The following GALNTL6 variants were observed in gnomAD, a reference collection of about 807,000 sequenced individuals.
GALNTL6 encodes the protein polypeptide N-acetylgalactosaminyltransferase like 6.
A neutral mutation model predicts 73.7 loss-of-function variants in GALNTL6; 46 were observed. The observed-to-expected ratio is 0.62, with a 90% CI of 0.49 to 0.80. GALNTL6 has a LOEUF of 0.80. Ranked by LOEUF, GALNTL6 falls within the 30% of genes least tolerant of loss-of-function variation. The pLI, the probability that GALNTL6 is intolerant of heterozygous loss-of-function variation, is 0.00. For synonymous variants in GALNTL6, 259 were observed against 263.7 expected, an observed-to-expected ratio of 0.98 and a Z score of 0.17; for missense variants, 604 against 755.0, an observed-to-expected ratio of 0.80 and a Z score of 2.34.
intron 5 of GALNTL6, among the ~76,000 whole-genome samples, chr4:172,557,912 A>C (rs1736206225): frequency 6.6e-6 from 1 of 152,202 alleles, no homozygotes; most frequent in African/African-American, 2.4e-5. Context: ...CAAGAAAAAT[A>C]AAAACATATT....
intron 2 of GALNTL6, among the ~76,000 whole-genome samples, chr4:171,884,080 C>T (rs1736542181): frequency 6.6e-6 from 1 of 152,188 alleles, no homozygotes; most frequent in African/African-American, 2.4e-5. Context: ...TATTTTCTCT[C>T]TCGAAAAGTT....
intron 10 of GALNTL6, among the ~76,000 whole-genome samples, chr4:172,967,191 G>T (rs1232154792): frequency 6.6e-6 from 1 of 152,158 alleles, no homozygotes; most frequent in African/African-American, 2.4e-5. Context: ...TAACCTAGTT[G>T]TATTTTGCTC....
At chr4:172,715,279 T>C (rs1346639676) in intron 5 of GALNTL6, among the ~76,000 whole-genome samples, 3 of 152,310 alleles carry the variant, frequency 2.0e-5, no homozygotes, top group South Asian at 4.1e-4. Context: ...TGTGGGGATG[T>C]GCATGGGTGT....
In GALNTL6 at chr4:172,559,656, C is replaced by T. The variant is rs561829192; in HGVS notation, c.553+210967C>T. 3.9e-5 allele frequency among the ~76,000 whole-genome samples: 6 copies of T among 152,194 alleles called. No homozygotes were observed. The East Asian group carries it at 1.2e-3, about 29-fold the overall frequency. On this transcript the variant is annotated intron_variant, in intron 5 of 12. Coordinates refer to ENST00000506823, the MANE Select transcript of GALNTL6 (RefSeq NM_001034845.3). ...AGTGTAGTATTTTTCATATAGTAAA[C>T]TCTGAGTTTTCTAAGAAGTCTGAGA...
At chr4:172,707,242 T>C (rs934768314) in intron 5 of GALNTL6, among the ~76,000 whole-genome samples, 3 of 152,170 alleles carry the variant, frequency 2.0e-5, no homozygotes, top group African/African-American at 7.2e-5. Flanking sequence ...TTTATTTAGA[T>C]AGTAAGAATT....
chr4:173,038,246 G>A (rs144799761), intron 12 of GALNTL6, among the ~76,000 whole-genome samples: 37 of 152,324 alleles, frequency 2.4e-4, no homozygotes, highest in African/African-American at 8.7e-4. Context: ...GTTGGGGCTG[G>A]GAGAATGAGC....
chr4:172,483,744 G>T (rs1011507460), intron 5 of GALNTL6, among the ~76,000 whole-genome samples: 1 of 152,156 alleles, frequency 6.6e-6, no homozygotes, highest in African/African-American at 2.4e-5. Flanking sequence ...TAAGATACAA[G>T]GGGGAGAGTC....
intron 8 of GALNTL6, among the ~76,000 whole-genome samples, chr4:172,894,852 G>A (rs1343864023): frequency 6.6e-6 from 1 of 151,552 alleles, no homozygotes; most frequent in Non-Finnish European, 1.5e-5. Context: ...ATATGTCTGG[G>A]TGTTTTGGTA....
intron 8 of GALNTL6, among the ~76,000 whole-genome samples, chr4:172,906,972 T>C (rs937393681): frequency 1.3e-5 from 2 of 152,166 alleles, no homozygotes; most frequent in Non-Finnish European, 2.9e-5. Context: ...TAATCACAGG[T>C]TTGAAATCCA....
chr4:172,940,285 G>T (rs952623857), intron 9 of GALNTL6, among the ~76,000 whole-genome samples: 1 of 151,524 alleles, frequency 6.6e-6, no homozygotes, highest in Non-Finnish European at 1.5e-5. Flanking sequence ...CTATGGACTG[G>T]TTGCAGTAAA....
intron 2 of GALNTL6, among the ~76,000 whole-genome samples, chr4:172,009,919 G>C (rs531519452): frequency 1.2e-4 from 18 of 152,194 alleles, no homozygotes; most frequent in African/African-American, 4.3e-4. Flanking sequence ...AAAGGACTGT[G>C]TGAACCTTCT....
intron 4 of GALNTL6, among the ~76,000 whole-genome samples, chr4:172,341,410 C>A (rs1016686374): frequency 7.0e-4 from 102 of 144,980 alleles, no homozygotes; most frequent in Non-Finnish European, 1.2e-3. Flanking sequence ...GAGATCCCGC[C>A]ACTGCACTCC....
chr4:172,988,348 G>T (rs1751388451), intron 10 of GALNTL6, among the ~76,000 whole-genome samples: 1 of 152,104 alleles, frequency 6.6e-6, no homozygotes, highest in African/African-American at 2.4e-5. Flanking sequence ...AGGATTTAGG[G>T]TATCTGGCAA....
At chr4:172,676,860 T>C (rs565824090) in intron 5 of GALNTL6, among the ~76,000 whole-genome samples, 148 of 152,364 alleles carry the variant, frequency 9.7e-4, no homozygotes, top group African/African-American at 3.5e-3. Flanking sequence ...TTCATTTAAA[T>C]GTGTAAGGCA....
chr4:172,260,099 A>G (rs2111033718), intron 3 of GALNTL6, among the ~76,000 whole-genome samples: 1 of 151,746 alleles, frequency 6.6e-6, no homozygotes, highest in African/African-American at 2.4e-5. Flanking sequence ...GTTCCATATG[A>G]ATTTTAGGAT....
chr4:172,245,709 C>T (rs1419460634), intron 3 of GALNTL6, among the ~76,000 whole-genome samples: 1 of 152,116 alleles, frequency 6.6e-6, no homozygotes, highest in Non-Finnish European at 1.5e-5. Context: ...CAAGATCTGG[C>T]ACAAATTTGT....
intron 8 of GALNTL6, among the ~76,000 whole-genome samples, chr4:172,912,793 G>T (rs913167862): frequency 6.6e-6 from 1 of 152,214 alleles, no homozygotes; most frequent in African/African-American, 2.4e-5. Flanking sequence ...TGGGGGCAGG[G>T]CATAGCTGAA....
chr4:173,029,239 A>T (rs1232564104), intron 12 of GALNTL6, among the ~76,000 whole-genome samples: 1 of 152,030 alleles, frequency 6.6e-6, no homozygotes, highest in Non-Finnish European at 1.5e-5. Context: ...GGGCAGTCAC[A>T]CTCTCCCAGG....
At chr4:172,697,561 AG>A (rs1733771110) in intron 5 of GALNTL6, among the ~76,000 whole-genome samples, 1 of 152,226 alleles carries the variant, frequency 6.6e-6, no homozygotes, top group African/African-American at 2.4e-5. Flanking sequence ...ATTGGAGGAA[AG>A]CAATGGATTA....
Sources: gnomAD v4.1 joint callset for allele counts (sites outside exome capture counted in the v4.1 genomes callset) on GRCh38, gnomAD v4.1.1 for gene constraint, MANE v1.5 for transcripts, NCBI Gene and HGNC (gene_info 2026-07-23, HGNC 2026-07-21) for gene names.